KLHL36: variants seen among roughly 807,000 people sequenced by gnomAD.
The protein encoded by KLHL36 is kelch like family member 36, also known as kelch-like protein 36.
In KLHL36, 35 loss-of-function variants were observed where a neutral mutation model predicts 53.3. The observed-to-expected ratio is 0.66, with a 90% CI of 0.50 to 0.87. The LOEUF (loss-of-function observed/expected upper bound fraction) is 0.87. Ranked by LOEUF, KLHL36 falls within the 40% of genes least tolerant of loss-of-function variation. KLHL36 has a pLI of 0.00. For synonymous variants in KLHL36, 472 were observed against 398.9 expected (o/e 1.18, Z -2.18); for missense variants, 864 against 897.6 (o/e 0.96, Z 0.48).
intron 2 of KLHL36, among the ~76,000 whole-genome samples, chr16:84,653,295 A>G (rs1246855708): frequency 6.6e-6 from 1 of 152,100 alleles, no homozygotes; most frequent in Admixed American, 6.5e-5. Context: ...GCCTCCTCCC[A>G]GGTGTAAGCC....
rs137898434 is a variant in KLHL36, at chr16:84,652,430, C to A, written c.63+1500C>A. On this transcript the variant is annotated intron_variant, in intron 2 of 4. Transcript: ENST00000564996. Reference sequence around the variant, plus strand: ...GGAATACAGGTGCATGCCACCATGCCCAGCTAATTTTTGTATTTTTAGTAG... The same window carrying A: ...GGAATACAGGTGCATGCCACCATGCACAGCTAATTTTTGTATTTTTAGTAG... 9.6e-3 allele frequency among the ~76,000 whole-genome samples: 1,459 copies of A among 152,142 alleles called. 24 individuals are homozygous for A. Among genetic ancestry groups the A allele is most frequent in the African/African-American group, 0.034 (1,396 of 41,478 alleles).
Position 84,661,533 on chromosome 16 carries a change from C to G in KLHL36, c.1296-45C>G. 1 of 1,527,892 alleles carries G rather than the reference C, an allele frequency of 6.5e-7. No individual in the cohort carries two copies. The highest frequency in any genetic ancestry group is 8.8e-7 in the Non-Finnish European group (1 of 1,132,200). The allele number at this position is 1,527,892 out of a possible 1,614,324, so 94.6% of individuals were successfully genotyped here. On this transcript the variant is annotated intron_variant, in intron 4 of 4. Coordinates refer to ENST00000564996, the MANE Select transcript of KLHL36 (RefSeq NM_024731.4). This position sits in a 1 kb window ranked among gnomAD's most constrained non-coding sequence, Gnocchi z 7.9. ...CCCGGCTCGGAGGGGGTAAGCCTGG[C>G]ACAGCCCTGAGCTCTCCCTCTGTCT...
At chr16:84,651,463 C>T (rs1906873827) in intron 2 of KLHL36, among the ~76,000 whole-genome samples, 1 of 152,192 alleles carries the variant, frequency 6.6e-6, no homozygotes, top group Admixed American at 6.5e-5. Flanking sequence ...GTAGCCTGTT[C>T]CCACCAGCCA....
rs552331285 is a variant in KLHL36 at position 84,664,103 on chromosome 16, G to A, written c.*1970G>A. ...CCAAACTTCTTTGAGCCTAAAAGTC[G>A]TTTGTCTCATACCTAGTCCCAGACC... is the stretch of plus-strand genomic sequence containing the variant. On this transcript the variant is annotated 3_prime_UTR_variant, in exon 5 of 5. Coordinates refer to ENST00000564996, the MANE Select transcript of KLHL36 (RefSeq NM_024731.4). 2 of 152,280 alleles carry A rather than the reference G, an allele frequency of 1.3e-5. No homozygotes were observed. Among genetic ancestry groups the A allele is most frequent in the South Asian group, 2.1e-4 (1 of 4,828 alleles). The allele number at this position is 152,280 out of a possible 1,614,324, so 9.4% of individuals were successfully genotyped here. A position where few individuals can be genotyped will look rare whatever the true frequency, so the allele number is the denominator to read the frequency against.
Position 84,665,147 on chromosome 16 carries a change from C to T in KLHL36, c.*3014C>T, listed in dbSNP as rs1907769770. On this transcript the variant is annotated 3_prime_UTR_variant, in exon 5 of 5. Transcript: ENST00000564996. ...AACTAGAGTGATGAAGGCACAGGTGCTTGCAGGCTGCCATTTTGAGAGGGA... is the reference window on the plus strand; with the variant it reads ...AACTAGAGTGATGAAGGCACAGGTGTTTGCAGGCTGCCATTTTGAGAGGGA... 2 of 152,284 alleles carry T rather than the reference C, an allele frequency of 1.3e-5. No individual in the cohort carries two copies. The highest frequency in any genetic ancestry group is 2.9e-5 in the Non-Finnish European group (2 of 68,024). 9.4% of individuals were successfully genotyped at this position (152,284 alleles called of 1,614,324 possible).
chr16:84,663,447 A>T lies in KLHL36; in HGVS notation c.*1314A>T, dbSNP rs1907673216. ...AGAGGGCTCTTAGCTGCCCGAGTGG[A>T]TGAGAAACGTGCAGAACTATGGGAG... is the stretch of plus-strand genomic sequence containing the variant. On this transcript the variant is annotated 3_prime_UTR_variant, in exon 5 of 5. Coordinates refer to ENST00000564996, the MANE Select transcript of KLHL36 (RefSeq NM_024731.4). 6.6e-6 allele frequency: 1 copy of T among 152,096 alleles called. No individual in the cohort carries two copies. Among genetic ancestry groups the T allele is most frequent in the Non-Finnish European group, 1.5e-5 (1 of 68,034 alleles). The allele number at this position is 152,096 out of a possible 1,614,324, so 9.4% of individuals were successfully genotyped here.
chr16:84,657,564 G>C lies in KLHL36; in HGVS notation c.757G>C (p.Val253Leu). The C allele has an allele frequency of 6.2e-7, 1 of 1,610,644 alleles. No homozygotes were observed. Among genetic ancestry groups the C allele is most frequent in the Non-Finnish European group, 8.5e-7 (1 of 1,179,874 alleles). Reference sequence around the variant, plus strand: ...CCTGCTGCACCGCGTCAAGCCGGCCGTGTGCTCGCTGCTGCCCAAGGAGGC... The same window carrying C: ...CCTGCTGCACCGCGTCAAGCCGGCCCTGTGCTCGCTGCTGCCCAAGGAGGC... ...NDLLHRVKPA[V>L]CSLLPKEANC... Residue 253 changes from valine (V) to leucine (L), a missense_variant, in exon 3 of 5, where the codon GTG (valine) becomes CTG (leucine). Val to Leu is a conservative substitution (Grantham distance 32). Coordinates refer to ENST00000564996, the MANE Select transcript of KLHL36 (RefSeq NM_024731.4).
chr16:84,657,392 C>T lies in KLHL36; in HGVS notation c.585C>T (p.Val195=), dbSNP rs1907274309. Residue 195 remains valine (V), a synonymous_variant, in exon 3 of 5, where the codon GTC becomes GTT. Transcript: ENST00000564996. ...ACGTCTCCATGCAGAAGCTGTGTGT[C>T]TACCTGAGCAGCAGCGAGGTGCAGC... The part of the protein sequence containing the change: ...LQNVSMQKLC[V]YLSSSEVQRE... 6.2e-7 allele frequency: 1 copy of T among 1,608,964 alleles called. No homozygotes were observed. The highest frequency in any genetic ancestry group is 8.5e-7 in the Non-Finnish European group (1 of 1,180,018).
chr16:84,650,364 C>T (rs552141383), intron 1 of KLHL36, among the ~76,000 whole-genome samples: 124 of 152,264 alleles, frequency 8.1e-4, no homozygotes, highest in Non-Finnish European at 1.6e-3. Context: ...GGTTTTGAAG[C>T]TGGACAGACC....
In KLHL36 at chr16:84,662,258, C is replaced by A. The variant is rs3087669; in HGVS notation, c.*125C>A. 0.075 allele frequency: 63,576 copies of A among 851,056 alleles called. 3,023 individuals are homozygous for A. Among genetic ancestry groups the A allele is most frequent in the Non-Finnish European group, 0.094 (53,511 of 569,002 alleles). 52.7% of individuals were successfully genotyped at this position (851,056 alleles called of 1,614,324 possible). A position where few individuals can be genotyped will look rare whatever the true frequency, so the allele number is the denominator to read the frequency against. ...AGCAGCTTTTTTTACTTTTATGATT[C>A]TTGGTATTTCTATGATATCACAGTA... On this transcript the variant is annotated 3_prime_UTR_variant, in exon 5 of 5. Coordinates refer to ENST00000564996, the MANE Select transcript of KLHL36 (RefSeq NM_024731.4).
chr16:84,651,691 A>T (rs1444997519), intron 2 of KLHL36, among the ~76,000 whole-genome samples: 1 of 152,138 alleles, frequency 6.6e-6, no homozygotes, highest in South Asian at 2.1e-4. Flanking sequence ...AATGAGTATG[A>T]TATTGCCCTG....
Position 84,657,933 on chromosome 16 carries a change from C to T in KLHL36, c.1126C>T (p.Gln376Ter). The T allele has an allele frequency of 1.3e-6, 2 of 1,517,310 alleles. No homozygotes were observed. The highest frequency in any genetic ancestry group is 1.8e-6 in the Non-Finnish European group (2 of 1,132,694). 94.0% of individuals were successfully genotyped at this position (1,517,310 alleles called of 1,614,324 possible). A position where few individuals can be genotyped will look rare whatever the true frequency, so the allele number is the denominator to read the frequency against. Reference sequence around the variant, plus strand: ...TTATAGGTATGACCCCCGCTGTAAACAGTGGATCAAGGTGAGATTAAAGCC... The same window carrying T: ...TTATAGGTATGACCCCCGCTGTAAATAGTGGATCAAGGTGAGATTAAAGCC... ...LLYRYDPRCK[Q>*]WIKVASMNQR... is the part of the protein sequence containing the mutation. Residue 376 changes from glutamine to a stop codon, truncating the protein, a stop_gained, in exon 3 of 5, where the codon CAG becomes TAG. Transcript: ENST00000564996. LOFTEE classifies it high-confidence loss of function.
rs1352820732 is a variant in KLHL36 at position 84,657,009 on chromosome 16, A to G, written c.202A>G (p.Ser68Gly). The stretch of plus-strand genomic sequence containing the variant: ...CCATCGCAACCTGCTGGCCGTGTGC[A>G]GCGACTACTTCAACTCCATGTTCAC... ...PAHRNLLAVC[S>G]DYFNSMFTIG... Residue 68 changes from serine to glycine, a missense_variant, in exon 3 of 5, where the codon AGC becomes GGC. Physicochemically the swap from Ser to Gly is moderately conservative, Grantham distance 56 (BLOSUM62 0). Transcript: ENST00000564996. 1 of 1,614,072 alleles carries G rather than the reference A, an allele frequency of 6.2e-7. No homozygotes were observed. Among genetic ancestry groups the G allele is most frequent in the African/African-American group, 1.3e-5 (1 of 75,038 alleles).
rs772816954 is a variant in KLHL36 at position 84,657,493 on chromosome 16, G to A, written c.686G>A (p.Arg229His). The change falls in exon 3 of 5, where the codon CGC (arginine) becomes CAC (histidine). Residue 229 changes from arginine (R) to histidine (H), a missense_variant. Arg to His is a conservative substitution (Grantham distance 29). Coordinates refer to ENST00000564996, the MANE Select transcript of KLHL36 (RefSeq NM_024731.4). ...CAGCCCGAGCGCGAGGCCCACGCCC[G>A]CCAGGTGCTGGAGAACATCCACTTC... ...TQQPEREAHA[R>H]QVLENIHFPL... 28 of 1,608,042 alleles carry A rather than the reference G, an allele frequency of 1.7e-5. No individual in the cohort carries two copies. The highest frequency in any genetic ancestry group is 8.8e-5 in the South Asian group (8 of 91,084).
Position 84,657,172 on chromosome 16 carries a change from C to T in KLHL36, c.365C>T (p.Thr122Met), listed in dbSNP as rs747669275. The T allele has an allele frequency of 1.6e-5, 26 of 1,614,166 alleles. No individual in the cohort carries two copies. Among genetic ancestry groups the T allele is most frequent in the South Asian group, 7.7e-5 (7 of 91,078 alleles). The change falls in exon 3 of 5, where the codon ACG becomes ATG. Residue 122 changes from threonine (T) to methionine (M), a missense_variant. By Grantham distance (81) the Thr-to-Met change is moderately conservative. Transcript: ENST00000564996. ...DGGNIDYVLE[T>M]AHLLQIWTVV... is the part of the protein sequence containing the mutation. Reference sequence around the variant, plus strand: ...GGCAACATTGACTACGTCCTGGAGACGGCTCACCTGCTGCAGATCTGGACG... The same window carrying T: ...GGCAACATTGACTACGTCCTGGAGATGGCTCACCTGCTGCAGATCTGGACG...
Position 84,657,448 on chromosome 16 carries a change from C to T in KLHL36, c.641C>T (p.Ala214Val). Residue 214 changes from alanine to valine, a missense_variant, in exon 3 of 5, where the codon GCC becomes GTC. Transcript: ENST00000564996. ...RECEHDLLQA[A>V]LQWLTQQPER... The stretch of plus-strand genomic sequence containing the variant: ...TGTGAGCACGACCTCCTGCAGGCCG[C>T]CCTGCAGTGGCTGACGCAGCAGCCC... The T allele has an allele frequency of 1.2e-6, 2 of 1,606,424 alleles. No individual in the cohort carries two copies. Among genetic ancestry groups the T allele is most frequent in the Non-Finnish European group, 1.7e-6 (2 of 1,179,936 alleles).
rs367668625 is a variant in KLHL36 at position 84,657,830 on chromosome 16, G to A, written c.1023G>A (p.Ala341=). The A allele has an allele frequency of 3.9e-5, 63 of 1,600,792 alleles. No individual in the cohort carries two copies. Among genetic ancestry groups the A allele is most frequent in the South Asian group, 3.6e-4 (33 of 90,486 alleles). The change falls in exon 3 of 5, where the codon GCG becomes GCA. Residue 341 remains alanine (A), a synonymous_variant. Coordinates refer to ENST00000564996, the MANE Select transcript of KLHL36 (RefSeq NM_024731.4). ...LPARRSHHCV[A]VLGGFIFIAG... ...CCCGGCGGAGCCACCACTGTGTCGC[G>A]GTGCTGGGGGGCTTCATCTTCATCG...
chr16:84,654,773 G>A (rs1404257755), intron 2 of KLHL36, among the ~76,000 whole-genome samples: 1 of 152,120 alleles, frequency 6.6e-6, no homozygotes, highest in Non-Finnish European at 1.5e-5. Context: ...ACCACAACCA[G>A]CTAATTTTGT....
chr16:84,656,536 GC>G (rs1267194064), intron 2 of KLHL36, among the ~76,000 whole-genome samples: 1 of 151,146 alleles, frequency 6.6e-6, no homozygotes, highest in African/African-American at 2.4e-5. Context: ...GGAGGCTGAG[GC>G]AGGAGAATCA....
Sources: allele counts gnomAD v4.1 joint callset (sites outside exome capture counted in the v4.1 genomes callset), GRCh38; gene constraint gnomAD v4.1.1; non-coding constraint Gnocchi (gnomAD v3.1); transcripts MANE v1.5; gene names NCBI Gene and HGNC (gene_info 2026-07-23, HGNC 2026-07-21).